Variants in SLC26A7 observed in about 807,000 individuals in gnomAD.
SLC26A7 encodes solute carrier family 26 member 7.
In SLC26A7, 59 loss-of-function variants were observed where a neutral mutation model predicts 82.5. The ratio of observed to expected loss-of-function variants is 0.72; its 90% CI spans 0.58 to 0.89. The LOEUF (loss-of-function observed/expected upper bound fraction) is 0.89, where lower values mean the gene tolerates loss of function less well. SLC26A7 is among the 40% of genes least tolerant of loss of function. The probability of loss-of-function intolerance (pLI) is 0.00; values close to 1 mark genes in which losing one functional copy is unlikely to be tolerated. For missense variants in SLC26A7, 820 were observed against 793.0 expected (o/e 1.03, Z -0.41); for synonymous variants, 271 against 274.3 (o/e 0.99, Z 0.12).
At chr8:91,259,099 G>C (rs1403250926) in intron 2 of SLC26A7, among the ~76,000 whole-genome samples, 1 of 151,978 alleles carries the variant, frequency 6.6e-6, no homozygotes, top group African/African-American at 2.4e-5. Context: ...TGAAACCACA[G>C]GCGTGCATTG....
chr8:91,326,328 A>T (rs1812930544), intron 5 of SLC26A7, among the ~76,000 whole-genome samples: 1 of 152,064 alleles, frequency 6.6e-6, no homozygotes, highest in Admixed American at 6.6e-5. Flanking sequence ...AATTTCTCCC[A>T]GTTCTGGAGG....
At position 91,397,012 on chromosome 8, in the gene SLC26A7, C is replaced by T. The variant is rs1808589528; in HGVS notation, c.*1915C>T. 6.6e-6 allele frequency: 1 copy of T among 152,006 alleles called. No homozygotes were observed. The highest frequency in any genetic ancestry group is 6.6e-5 in the Admixed American group (1 of 15,260). The allele number at this position is 152,006 out of a possible 1,614,324, so 9.4% of individuals were successfully genotyped here. Reference sequence around the variant, plus strand: ...TATGGATCAGTTCTGACATTAAAATCATAGTTAATTGATGGATGGTTTTTA... The same window carrying T: ...TATGGATCAGTTCTGACATTAAAATTATAGTTAATTGATGGATGGTTTTTA... On this transcript the variant is annotated 3_prime_UTR_variant, in exon 19 of 19. Coordinates refer to ENST00000276609, the MANE Select transcript of SLC26A7 (RefSeq NM_052832.4).
intron 5 of SLC26A7, among the ~76,000 whole-genome samples, chr8:91,320,796 A>T (rs576485533): frequency 6.6e-6 from 1 of 152,330 alleles, no homozygotes; most frequent in Non-Finnish European, 1.5e-5. Flanking sequence ...TCACTCTTTG[A>T]CATGTATCCT....
intron 6 of SLC26A7, among the ~76,000 whole-genome samples, chr8:91,336,468 T>G (rs978978681): frequency 6.6e-6 from 1 of 152,074 alleles, no homozygotes; most frequent in African/African-American, 2.4e-5. Context: ...ATCTAGTGCC[T>G]GATAGACTGA....
At chr8:91,292,190 A>T (rs1187110332) in intron 3 of SLC26A7, among the ~76,000 whole-genome samples, 1 of 152,022 alleles carries the variant, frequency 6.6e-6, no homozygotes, top group Non-Finnish European at 1.5e-5. Context: ...CTGTAGTCCC[A>T]GCTACTCAGG....
At chr8:91,334,971 A>G (rs1350943045) in intron 6 of SLC26A7, among the ~76,000 whole-genome samples, 5 of 152,114 alleles carry the variant, frequency 3.3e-5, no homozygotes, top group Non-Finnish European at 5.9e-5. Context: ...TTTTTGTTGT[A>G]CCTGGAAAAG....
At chr8:91,371,861 G>A (rs144657918) in intron 15 of SLC26A7, among the ~76,000 whole-genome samples, 26 of 151,948 alleles carry the variant, frequency 1.7e-4, no homozygotes, top group Non-Finnish European at 3.2e-4. Flanking sequence ...CACCTACAGT[G>A]TGTAACCATT....
intron 2 of SLC26A7, among the ~76,000 whole-genome samples, chr8:91,239,454 GTA>G (rs948736501): frequency 4.8e-5 from 7 of 145,166 alleles, no homozygotes; most frequent in Admixed American, 7.0e-5. Flanking sequence ...GTGTATATAC[GTA>G]TATATATGTG....
At chr8:91,233,817 A>G (rs1810348512) in intron 2 of SLC26A7, among the ~76,000 whole-genome samples, 1 of 152,120 alleles carries the variant, frequency 6.6e-6, no homozygotes, top group African/African-American at 2.4e-5. Flanking sequence ...TGCTACAACA[A>G]TCTTTTGAAT....
At position 91,338,197 on chromosome 8, in the gene SLC26A7, A is replaced by G; in HGVS notation, c.843A>G (p.Thr281=). Reference sequence around the variant, plus strand: ...GTTATTGCACCAATATGGAAAACACATATGGATTAGAAGTAGTTGGTCATA... The same window carrying G: ...GTTATTGCACCAATATGGAAAACACGTATGGATTAGAAGTAGTTGGTCATA... The part of the protein sequence containing the change: ...FACYCTNMEN[T]YGLEVVGHIP... Residue 281 remains threonine (T), a synonymous_variant, in exon 7 of 19, where the codon ACA becomes ACG. Transcript: ENST00000276609. 6.2e-7 allele frequency: 1 copy of G among 1,610,898 alleles called. No individual in the cohort carries two copies. Among genetic ancestry groups the G allele is most frequent in the Non-Finnish European group, 8.5e-7 (1 of 1,178,754 alleles).
chr8:91,388,117 T>A (rs949841617), intron 15 of SLC26A7, among the ~76,000 whole-genome samples: 16 of 152,254 alleles, frequency 1.1e-4, no homozygotes, highest in East Asian at 1.9e-4. Context: ...CTGCTTTTTT[T>A]AAATCTGTAA....
Position 91,393,989 on chromosome 8 carries a change from AT to A in SLC26A7, c.1893del (p.Phe631LeufsTer8), listed in dbSNP as rs762022055. 254 of 1,613,182 alleles carry A rather than the reference AT, an allele frequency of 1.6e-4. 1 individual carries two copies. Among genetic ancestry groups the A allele is most frequent in the Non-Finnish European group, 2.0e-5 (23 of 1,179,348 alleles). On this transcript the variant is annotated frameshift_variant, in exon 18 of 19. Coordinates refer to ENST00000276609, the MANE Select transcript of SLC26A7 (RefSeq NM_052832.4). LOFTEE classifies it high-confidence loss of function. ...YYGNLDSEKPIFFESVSAAIS... is the reference protein window; with the variant it reads ...YYGNLDSEKPXFFESVSAAIS... The stretch of plus-strand genomic sequence containing the variant: ...TGGAAACCTAGACTCAGAGAAACCA[AT>A]TTTTTTTGAATCGGTATCTGCTGCA...
chr8:91,341,759 C>A (rs1813421629), intron 8 of SLC26A7, among the ~76,000 whole-genome samples: 1 of 152,050 alleles, frequency 6.6e-6, no homozygotes, highest in Admixed American at 6.6e-5. Flanking sequence ...ATACCCTTTT[C>A]CTCTTTGGTC....
intron 2 of SLC26A7, among the ~76,000 whole-genome samples, chr8:91,283,822 G>A (rs1811637885): frequency 6.6e-6 from 1 of 152,044 alleles, no homozygotes; most frequent in African/African-American, 2.4e-5. Flanking sequence ...TTACTGAGGG[G>A]GTGTTAGTTG....
intron 2 of SLC26A7, among the ~76,000 whole-genome samples, chr8:91,272,364 G>C (rs541946409): frequency 6.6e-6 from 1 of 152,102 alleles, no homozygotes; most frequent in African/African-American, 2.4e-5. Context: ...CTTAATAATA[G>C]ATGTTTGCAA....
intron 8 of SLC26A7, 83 bp downstream of exon 8, chr8:91,340,634 G>A (rs772963074): frequency 7.7e-6 from 12 of 1,552,934 alleles, no homozygotes; most frequent in South Asian, 5.7e-5. Context: ...ATGAACTTAT[G>A]AAAAATAAAA....
At chr8:91,345,193 C>A (rs1813528806) in intron 9 of SLC26A7, among the ~76,000 whole-genome samples, 1 of 152,024 alleles carries the variant, frequency 6.6e-6, no homozygotes, top group Non-Finnish European at 1.5e-5. Flanking sequence ...GAGAAATCCT[C>A]CAACCTCTGA....
At chr8:91,353,578 T>A (rs1324631324) in intron 11 of SLC26A7, among the ~76,000 whole-genome samples, 1 of 152,166 alleles carries the variant, frequency 6.6e-6, no homozygotes, top group East Asian at 1.9e-4. Context: ...AACCTATCTA[T>A]GCAAGAGCAA....
At chr8:91,243,058 A>C (rs979082182) in intron 2 of SLC26A7, among the ~76,000 whole-genome samples, 3 of 152,218 alleles carry the variant, frequency 2.0e-5, no homozygotes, top group Non-Finnish European at 4.4e-5. Context: ...GCAAAAAGTT[A>C]AAATTTAATT....
Sources: allele counts gnomAD v4.1 joint callset (sites outside exome capture counted in the v4.1 genomes callset), GRCh38; gene constraint gnomAD v4.1.1; transcripts MANE v1.5; gene names NCBI Gene and HGNC (gene_info 2026-07-23, HGNC 2026-07-21).